The following COL24A1 variants were observed in gnomAD, a reference collection of about 807,000 sequenced individuals.
COL24A1 encodes the protein collagen alpha-1(XXIV) chain.
Under a neutral mutation model 253.9 loss-of-function variants are expected in COL24A1, and 224 were observed. That is an observed-to-expected ratio of 0.88 (90% CI 0.79 to 0.99). The LOEUF is 0.99. Ranked by LOEUF, COL24A1 falls within the 50% of genes least tolerant of loss-of-function variation. The pLI is 0.00. For missense variants in COL24A1, 2,131 were observed against 2,068.5 expected (o/e 1.03, Z -0.59); for synonymous variants, 685 against 673.7 (o/e 1.02, Z -0.26).
At chr1:86,002,803 T>C (rs770689136) in intron 19 of COL24A1, among the ~76,000 whole-genome samples, 4 of 152,256 alleles carry the variant, frequency 2.6e-5, no homozygotes, top group Non-Finnish European at 4.4e-5. Context: ...ATAGCCCCTC[T>C]AAGGCAAGAG....
chr1:85,926,208 C>G (rs4598516), intron 24 of COL24A1, among the ~76,000 whole-genome samples: 2 of 151,778 alleles, frequency 1.3e-5, no homozygotes, highest in African/African-American at 2.4e-5. Context: ...AAAATAGGAA[C>G]GCTTTTACAC....
In COL24A1 at chr1:86,125,736, A is replaced by G. The variant is rs1345531958; in HGVS notation, c.600T>C (p.Asn200=). 1.2e-6 allele frequency: 2 copies of G among 1,611,274 alleles called. No individual in the cohort carries two copies. The highest frequency in any genetic ancestry group is 2.2e-5 in the East Asian group (1 of 44,824). Residue 200 remains asparagine, a synonymous_variant, in exon 3 of 60, where the codon AAT becomes AAC. Transcript: ENST00000370571. ...TIPEVQTFDS[N]SVFTLGSMNN... Reference sequence around the variant, plus strand: ...TCATACTTCCTAAAGTAAACACACTATTAGAATCAAAGGTCTGAACTTCTG... The same window carrying G: ...TCATACTTCCTAAAGTAAACACACTGTTAGAATCAAAGGTCTGAACTTCTG...
At chr1:86,090,049 T>G (rs991195583) in intron 6 of COL24A1, among the ~76,000 whole-genome samples, 7 of 152,142 alleles carry the variant, frequency 4.6e-5, no homozygotes, top group Admixed American at 2.0e-4. Flanking sequence ...CCATCCTGCG[T>G]GCCAGCTACA....
intron 37 of COL24A1, among the ~76,000 whole-genome samples, chr1:85,864,393 TGGGATGG>T (rs1679540410): frequency 1.5e-5 from 1 of 65,126 alleles, no homozygotes; most frequent in Non-Finnish European, 3.1e-5. Context: ...CACACTGTCG[TGGGATGG>T]GGGAGGGGGG....
At chr1:85,937,029 A>G (rs548912713) in intron 24 of COL24A1, among the ~76,000 whole-genome samples, 1 of 147,472 alleles carries the variant, frequency 6.8e-6, no homozygotes, top group African/African-American at 2.5e-5. Context: ...AGGCACAAGC[A>G]GACTGCATAA....
At position 86,125,541 on chromosome 1, in the gene COL24A1, C is replaced by T. The variant is rs750293307; in HGVS notation, c.795G>A (p.Pro265=). The T allele has an allele frequency of 3.0e-5, 49 of 1,613,420 alleles. No homozygotes were observed. Among genetic ancestry groups the T allele is most frequent in the African/African-American group, 5.3e-5 (4 of 74,936 alleles). The change falls in exon 3 of 60, where the codon CCG becomes CCA. Residue 265 remains proline, a synonymous_variant. Coordinates refer to ENST00000370571, the MANE Select transcript of COL24A1 (RefSeq NM_152890.7). ...ATAGTTTGGGCGGGGGAGAGTGTTCCGGTATCTTTGTTGGTATGAGAGTTG... is the reference window on the plus strand; with the variant it reads ...ATAGTTTGGGCGGGGGAGAGTGTTCTGGTATCTTTGTTGGTATGAGAGTTG... ...PCTTLIPTKI[P]EHSPPPKLFA...
intron 20 of COL24A1, among the ~76,000 whole-genome samples, chr1:85,973,779 G>A (rs1692403763): frequency 1.3e-5 from 2 of 152,024 alleles, no homozygotes; most frequent in South Asian, 4.1e-4. Context: ...GGCAAATCTA[G>A]GCTACTTTTT....
chr1:85,932,775 A>C (rs1225022205), intron 24 of COL24A1, among the ~76,000 whole-genome samples: 7 of 87,594 alleles, frequency 8.0e-5, no homozygotes, highest in African/African-American at 2.9e-4. Flanking sequence ...TGATGAGTTC[A>C]TATCCTTTGT....
At chr1:86,051,634 G>T (rs910892811) in intron 10 of COL24A1, among the ~76,000 whole-genome samples, 1 of 151,896 alleles carries the variant, frequency 6.6e-6, no homozygotes, top group African/African-American at 2.4e-5. Flanking sequence ...TGGAAAGTCT[G>T]CAATTTACAC....
intron 19 of COL24A1, among the ~76,000 whole-genome samples, chr1:85,987,955 G>A (rs1449081243): frequency 6.6e-6 from 1 of 151,782 alleles, no homozygotes; most frequent in Non-Finnish European, 1.5e-5. Context: ...AAGGCAAAAA[G>A]GTGTATGACA....
intron 28 of COL24A1, among the ~76,000 whole-genome samples, chr1:85,897,456 A>T (rs1001338106): frequency 2.0e-5 from 3 of 152,170 alleles, no homozygotes; most frequent in Admixed American, 6.5e-5. Flanking sequence ...GAATAAAAAA[A>T]AAAAGAAAGA....
At chr1:85,806,581 C>A (rs1039278199) in intron 47 of COL24A1, among the ~76,000 whole-genome samples, 67 of 152,158 alleles carry the variant, frequency 4.4e-4, no homozygotes, top group Non-Finnish European at 7.4e-4. Context: ...ATATGTTTTT[C>A]ACAAAACATT....
At chr1:85,914,374 ATTTCTTTT>A (rs1685666131) in intron 24 of COL24A1, among the ~76,000 whole-genome samples, 1 of 112,456 alleles carries the variant, frequency 8.9e-6, no homozygotes, top group South Asian at 2.8e-4. Context: ...TTTTCTTCTC[ATTTCTTTT>A]TTTCTTTTCT....
intron 24 of COL24A1, among the ~76,000 whole-genome samples, chr1:85,939,340 G>A (rs1056208351): frequency 2.0e-5 from 3 of 152,110 alleles, no homozygotes; most frequent in Non-Finnish European, 4.4e-5. Context: ...GGCTCCTAAT[G>A]TTCACTGTAG....
At chr1:85,950,302 G>A (rs953926344) in intron 24 of COL24A1, among the ~76,000 whole-genome samples, 1 of 152,096 alleles carries the variant, frequency 6.6e-6, no homozygotes, top group African/African-American at 2.4e-5. Flanking sequence ...AAAAGCCAGT[G>A]GATTAAGGTT....
At chr1:86,112,752 T>C in intron 4 of COL24A1, 132 bp from the exon 5 acceptor site, 1 of 698,228 alleles carries the variant, frequency 1.4e-6, no homozygotes, top group South Asian at 3.0e-5. Flanking sequence ...TATGTATGCC[T>C]TAAAGACCTA....
intron 19 of COL24A1, among the ~76,000 whole-genome samples, chr1:85,996,611 G>C (rs1332139845): frequency 1.3e-5 from 2 of 151,874 alleles, no homozygotes; most frequent in African/African-American, 2.4e-5. Context: ...ACTCCAGCCT[G>C]GGCGACAGAG....
At chr1:85,742,407 C>T (rs1344477282) in intron 57 of COL24A1, among the ~76,000 whole-genome samples, 3 of 152,142 alleles carry the variant, frequency 2.0e-5, no homozygotes, top group Admixed American at 2.0e-4. Flanking sequence ...GCTGGGATTA[C>T]AGGCATGAGC....
At position 85,729,849 on chromosome 1, in the gene COL24A1, C is replaced by T. The variant is rs1663309836; in HGVS notation, c.*697G>A. 1 of 152,536 alleles carries T rather than the reference C, an allele frequency of 6.6e-6. No individual in the cohort carries two copies. The highest frequency in any genetic ancestry group is 6.5e-5 in the Admixed American group (1 of 15,268). The allele number at this position is 152,536 out of a possible 1,614,324, so 9.4% of individuals were successfully genotyped here. A position where few individuals can be genotyped will look rare whatever the true frequency, so the allele number is the denominator to read the frequency against. On this transcript the variant is annotated 3_prime_UTR_variant, in exon 60 of 60. Coordinates refer to ENST00000370571, the MANE Select transcript of COL24A1 (RefSeq NM_152890.7). ...ACACAAAGAGAATTTTAAAATAAAA[C>T]AAGGACTTCACATAAATAGTTTCAC...
Sources: gnomAD v4.1 joint callset for allele counts (sites outside exome capture counted in the v4.1 genomes callset) on GRCh38, gnomAD v4.1.1 for gene constraint, MANE v1.5 for transcripts, NCBI Gene and HGNC (gene_info 2026-07-23, HGNC 2026-07-21) for gene names.